Variants in FUBP1 observed in about 807,000 individuals in gnomAD.
FUBP1 encodes the protein far upstream element-binding protein 1.
In FUBP1, 16 loss-of-function variants were observed where a neutral mutation model predicts 94.9. The observed-to-expected ratio is 0.17, with a 90% CI of 0.11 to 0.26. FUBP1 has a LOEUF of 0.26. Among genes scored for constraint, FUBP1 ranks in the 10% least tolerant of loss-of-function variants. The probability of loss-of-function intolerance (pLI) is 1.00; values close to 1 mark genes in which losing one functional copy is unlikely to be tolerated. For missense variants in FUBP1, 583 were observed against 808.6 expected, an observed-to-expected ratio of 0.72 and a Z score of 3.38; for synonymous variants, 279 against 254.9, an observed-to-expected ratio of 1.09 and a Z score of -0.90.
At chr1:77,967,137 G>A in intron 4 of FUBP1, 36 bp from the exon 5 acceptor site, 11 of 1,288,070 alleles carry the variant, frequency 8.5e-6, no homozygotes, top group Non-Finnish European at 1.1e-5. Flanking sequence ...TTCCTTCAAT[G>A]AAAGATACTT....
intron 1 of FUBP1, among the ~76,000 whole-genome samples, chr1:77,972,704 G>C (rs1657801804): frequency 1.3e-5 from 2 of 151,890 alleles, no homozygotes; most frequent in Non-Finnish European, 2.9e-5. Context: ...AGAGGTCGCA[G>C]TGAGCCAAGA....
chr1:77,955,143 G>C, intron 18 of FUBP1, 112 bp downstream of exon 18: 1 of 601,182 alleles, frequency 1.7e-6, no homozygotes, highest in Non-Finnish European at 2.9e-6. Context: ...ATTTACAACT[G>C]TCTTGATATG....
rs1366956417 is a variant in FUBP1, at chr1:77,945,272, C to A, written c.*3494G>T. On this transcript the variant is annotated 3_prime_UTR_variant, in exon 20 of 20. Transcript: ENST00000370768. ...AACAGGCTCTCAAGTTTCAATGAGC[C>A]CCTTTATATTATCAATTGTACATAC... 1.3e-5 allele frequency among the ~76,000 whole-genome samples: 2 copies of A among 151,670 alleles called. No homozygotes were observed. The highest frequency in any genetic ancestry group is 4.8e-5 in the African/African-American group (2 of 41,316).
Position 77,979,038 on chromosome 1 carries a change from G to A in FUBP1, c.-34C>T, listed in dbSNP as rs1387415417. On this transcript the variant is annotated 5_prime_UTR_variant, in exon 1 of 20. Transcript: ENST00000370768. ...TATAAGAGCCGCTGCCGCCTGTTCAGAGACTTCCTCTCAGCTAACAGCTAA... is the reference window on the plus strand; with the variant it reads ...TATAAGAGCCGCTGCCGCCTGTTCAAAGACTTCCTCTCAGCTAACAGCTAA... 1 of 1,578,258 alleles carries A rather than the reference G, an allele frequency of 6.3e-7. No homozygotes were observed. The highest frequency in any genetic ancestry group is 1.8e-5 in the Admixed American group (1 of 55,608).
intron 1 of FUBP1, among the ~76,000 whole-genome samples, chr1:77,972,752 ACT>A (rs1657809825): frequency 6.6e-6 from 1 of 151,722 alleles, no homozygotes; most frequent in Non-Finnish European, 1.5e-5. Flanking sequence ...ACAGAGCGAG[ACT>A]CTGTCTCAAA....
chr1:77,969,114 A>C (rs1657039417), intron 2 of FUBP1: 1 of 933,134 alleles, frequency 1.1e-6, no homozygotes, highest in Non-Finnish European at 1.5e-6. Flanking sequence ...AATACATTAC[A>C]TACAACATCT....
rs1411126322 is a variant in FUBP1 at position 77,956,665 on chromosome 1, C to T, written c.1612G>A (p.Ala538Thr). 6.2e-7 allele frequency: 1 copy of T among 1,612,024 alleles called. No homozygotes were observed. The highest frequency in any genetic ancestry group is 1.1e-5 in the South Asian group (1 of 91,010). Residue 538 changes from alanine to threonine, a missense_variant, in exon 17 of 20, where the codon GCT becomes ACT. By Grantham distance (58) the Ala-to-Thr change is moderately conservative. Transcript: ENST00000370768. ...TGATAATAGTGAGCGTAATAAGCAGCCCAAGCTGCTGAATTTGGATCCGTT... is the reference window on the plus strand; with the variant it reads ...TGATAATAGTGAGCGTAATAAGCAGTCCAAGCTGCTGAATTTGGATCCGTT... ...AGTDPNSAAW[A>T]AYYAHYYQQQ...
At position 77,967,115 on chromosome 1, in the gene FUBP1, G is replaced by A. The variant is rs1432985554; in HGVS notation, c.291-14C>T. The A allele has an allele frequency of 4.6e-6, 7 of 1,511,016 alleles. No individual in the cohort carries two copies. Among genetic ancestry groups the A allele is most frequent in the Non-Finnish European group, 5.4e-6 (6 of 1,101,936 alleles). 93.6% of individuals were successfully genotyped at this position (1,511,016 alleles called of 1,614,324 possible). A position where few individuals can be genotyped will look rare whatever the true frequency, so the allele number is the denominator to read the frequency against. Reference sequence around the variant, plus strand: ...ATTACAGATCTGCTAAGAAATAACAGAAAGCACCATTTTCCTTCAATGAAA... The same window carrying A: ...ATTACAGATCTGCTAAGAAATAACAAAAAGCACCATTTTCCTTCAATGAAA... On this transcript the variant is annotated splice_polypyrimidine_tract_variant and intron_variant, in intron 4 of 19. Coordinates refer to ENST00000370768, the MANE Select transcript of FUBP1 (RefSeq NM_003902.5).
At position 77,961,816 on chromosome 1, in the gene FUBP1, A is replaced by T. The variant is rs528413345; in HGVS notation, c.1344+954T>A. On this transcript the variant is annotated intron_variant, in intron 14 of 19. Transcript: ENST00000370768. ...GTGCTATTCATTTTTTTGCCATGGC[A>T]TCAACCTCTATCATTACTCTACAAA... is the stretch of plus-strand genomic sequence containing the variant. Among the ~76,000 whole-genome samples the T allele has an allele frequency of 1.2e-4, 19 of 152,306 alleles. No individual in the cohort carries two copies. The East Asian group carries it at 3.5e-3, about 28-fold the overall frequency.
chr1:77,968,265 A>G (rs1656886075), intron 2 of FUBP1, 62 bp from the exon 3 acceptor site: 1 of 879,980 alleles, frequency 1.1e-6, no homozygotes, highest in Non-Finnish European at 1.8e-6. Flanking sequence ...CCCCTCCCAA[A>G]CAAGAATAAA....
In FUBP1 at chr1:77,945,709, T is replaced by A. The variant is rs1046081641; in HGVS notation, c.*3057A>T. On this transcript the variant is annotated 3_prime_UTR_variant, in exon 20 of 20. Transcript: ENST00000370768. ...TTGTTGCAGAGATAAGCAGGAGTTTTAAAAGGATCAGCACATTTTAGAAAT... is the reference window on the plus strand; with the variant it reads ...TTGTTGCAGAGATAAGCAGGAGTTTAAAAAGGATCAGCACATTTTAGAAAT... 8 of 212,736 alleles carry A rather than the reference T, an allele frequency of 3.8e-5. No individual in the cohort carries two copies. Among genetic ancestry groups the A allele is most frequent in the Admixed American group, 1.2e-4 (2 of 17,070 alleles). 13.2% of individuals were successfully genotyped at this position (212,736 alleles called of 1,614,324 possible). A position where few individuals can be genotyped will look rare whatever the true frequency, so the allele number is the denominator to read the frequency against.
chr1:77,979,152 T>C, upstream of FUBP1: 2 of 777,932 alleles, frequency 2.6e-6, no homozygotes, highest in Non-Finnish European at 2.0e-6. Context: ...AGGAACAAAA[T>C]CTCGCGATGT....
Position 77,947,954 on chromosome 1 carries a change from T to A in FUBP1, c.*812A>T, listed in dbSNP as rs1172800405. On this transcript the variant is annotated 3_prime_UTR_variant, in exon 20 of 20. Coordinates refer to ENST00000370768, the MANE Select transcript of FUBP1 (RefSeq NM_003902.5). Reference sequence around the variant, plus strand: ...TCACATGGAAAAAAACTGTTCTTATTAGACTACTCATATTCACTATCTGAA... The same window carrying A: ...TCACATGGAAAAAAACTGTTCTTATAAGACTACTCATATTCACTATCTGAA... The A allele has an allele frequency of 3.0e-6, 3 of 1,010,482 alleles. No homozygotes were observed. The highest frequency in any genetic ancestry group is 3.6e-6 in the Non-Finnish European group (3 of 826,328). The allele number at this position is 1,010,482 out of a possible 1,614,324, so 62.6% of individuals were successfully genotyped here.
intron 17 of FUBP1, among the ~76,000 whole-genome samples, chr1:77,956,013 A>C (rs1354700375): frequency 6.6e-6 from 1 of 152,230 alleles, no homozygotes; most frequent in Non-Finnish European, 1.5e-5. Flanking sequence ...ACCACCCTGA[A>C]TATACTCCCT....
At chr1:77,951,574 T>G (rs1311932816) in intron 18 of FUBP1, among the ~76,000 whole-genome samples, 2 of 152,228 alleles carry the variant, frequency 1.3e-5, no homozygotes, top group South Asian at 2.1e-4. Flanking sequence ...GACAGGGTCT[T>G]GCTCTGTCAC....
chr1:77,957,238 T>C (rs772413332), intron 16 of FUBP1, among the ~76,000 whole-genome samples: 1 of 152,242 alleles, frequency 6.6e-6, no homozygotes, highest in Non-Finnish European at 1.5e-5. Flanking sequence ...GTCATCCTAC[T>C]TGAAATTCTT....
chr1:77,949,196 T>A lies in FUBP1; in HGVS notation c.1885A>T (p.Thr629Ser). 1 of 1,613,698 alleles carries A rather than the reference T, an allele frequency of 6.2e-7. No individual in the cohort carries two copies. Residue 629 changes from threonine to serine, a missense_variant, in exon 19 of 20, where the codon ACA becomes TCA. Thr to Ser is a moderately conservative substitution (Grantham distance 58, BLOSUM62 1). Coordinates refer to ENST00000370768, the MANE Select transcript of FUBP1 (RefSeq NM_003902.5). ...YRQQAAYYAQ[T>S]SPQGMPQHPP... ...TGCTGTGGCATTCCCTGGGGACTTG[T>A]CTGGGCATAATAGGCTGCTTGTTGT... is the stretch of plus-strand genomic sequence containing the variant.
In FUBP1 at chr1:77,948,147, C is replaced by G; in HGVS notation, c.*619G>C. 1.9e-6 allele frequency: 2 copies of G among 1,039,938 alleles called. No homozygotes were observed. The highest frequency in any genetic ancestry group is 2.3e-6 in the Non-Finnish European group (2 of 862,934). 64.4% of individuals were successfully genotyped at this position (1,039,938 alleles called of 1,614,324 possible). On this transcript the variant is annotated 3_prime_UTR_variant, in exon 20 of 20. Coordinates refer to ENST00000370768, the MANE Select transcript of FUBP1 (RefSeq NM_003902.5). Reference sequence around the variant, plus strand: ...GGAAGTATGCCAAAAGATCATTGTACACACATGCAGTTTTTAATCAAACAG... The same window carrying G: ...GGAAGTATGCCAAAAGATCATTGTAGACACATGCAGTTTTTAATCAAACAG...
At chr1:77,956,138 T>C (rs1654416921) in intron 17 of FUBP1, among the ~76,000 whole-genome samples, 2 of 152,360 alleles carry the variant, frequency 1.3e-5, no homozygotes, top group East Asian at 3.9e-4. Context: ...TATATCAATG[T>C]TGACTTACTG....
Sources: allele counts gnomAD v4.1 joint callset (sites outside exome capture counted in the v4.1 genomes callset), GRCh38; gene constraint gnomAD v4.1.1; transcripts MANE v1.5; gene names NCBI Gene and HGNC (gene_info 2026-07-23, HGNC 2026-07-21).